Variants in ENOX1 observed in about 807,000 individuals in gnomAD.
ENOX1 encodes the protein ecto-NOX disulfide-thiol exchanger 1.
In ENOX1, 42 loss-of-function variants were observed where a neutral mutation model predicts 82.5. The ratio of observed to expected loss-of-function variants is 0.51; its 90% confidence interval spans 0.40 to 0.66. ENOX1 has a LOEUF of 0.66. Among genes scored for constraint, ENOX1 ranks in the 30% least tolerant of loss-of-function variants. ENOX1 has a pLI of 0.00. For synonymous variants in ENOX1, 271 were observed against 282.2 expected, an observed-to-expected ratio of 0.96 and a Z score of 0.40; for missense variants, 608 against 811.6, an observed-to-expected ratio of 0.75 and a Z score of 3.05.
intron 3 of ENOX1, among the ~76,000 whole-genome samples, chr13:43,436,517 T>A (rs1011395428): frequency 2.0e-5 from 3 of 152,172 alleles, no homozygotes; most frequent in Non-Finnish European, 2.9e-5. Context: ...GGAGAGCAGA[T>A]TTACAATGCT....
chr13:43,311,632 C>A (rs4335689), intron 11 of ENOX1, among the ~76,000 whole-genome samples: 145,154 of 152,248 alleles, frequency 0.95, 69,611 homozygotes, highest in East Asian at 1. Context: ...CAAGAAAAGC[C>A]GAACTGATGT....
intron 1 of ENOX1, among the ~76,000 whole-genome samples, chr13:43,751,097 C>T (rs139810167): frequency 6.6e-6 from 1 of 152,272 alleles, no homozygotes; most frequent in East Asian, 1.9e-4. Flanking sequence ...CCACATTCCT[C>T]GTAAGTCCCC....
intron 2 of ENOX1, among the ~76,000 whole-genome samples, chr13:43,597,507 C>G (rs540630042): frequency 6.6e-6 from 1 of 152,194 alleles, no homozygotes; most frequent in Non-Finnish European, 1.5e-5. Context: ...AGCTCTGGCA[C>G]AAAATCAATC....
At chr13:43,344,503 A>C (rs1490814813) in intron 9 of ENOX1, 35 bp downstream of exon 9, 12 of 1,540,692 alleles carry the variant, frequency 7.8e-6, no homozygotes, top group Non-Finnish European at 1.1e-5. Flanking sequence ...AGGCAAAATC[A>C]CAACAAAAGA....
At chr13:43,650,912 G>A (rs2084135557) in intron 2 of ENOX1, among the ~76,000 whole-genome samples, 1 of 152,158 alleles carries the variant, frequency 6.6e-6, no homozygotes, top group African/African-American at 2.4e-5. Flanking sequence ...CATGGCTTTT[G>A]TTCAGGAACC....
chr13:43,449,882 T>C (rs979836233), intron 3 of ENOX1, among the ~76,000 whole-genome samples: 2 of 152,158 alleles, frequency 1.3e-5, no homozygotes, highest in African/African-American at 4.8e-5. Flanking sequence ...TATTTCTATC[T>C]AAAGCATATA....
At chr13:43,307,372 G>A (rs558880326) in intron 11 of ENOX1, among the ~76,000 whole-genome samples, 2 of 152,298 alleles carry the variant, frequency 1.3e-5, no homozygotes, top group South Asian at 2.1e-4. Flanking sequence ...CAGATGTTAC[G>A]AATCTGAGAT....
intron 2 of ENOX1, among the ~76,000 whole-genome samples, chr13:43,638,529 C>A (rs1216717444): frequency 6.6e-6 from 1 of 152,100 alleles, no homozygotes; most frequent in Admixed American, 6.5e-5. Flanking sequence ...AACTTTCTTG[C>A]CAGCAAACCA....
At chr13:43,687,854 C>G (rs1269715280) in intron 1 of ENOX1, among the ~76,000 whole-genome samples, 1 of 152,110 alleles carries the variant, frequency 6.6e-6, no homozygotes. Context: ...CAAAGCCAAT[C>G]TGGAGATCAG....
chr13:43,489,979 C>T (rs961808355), intron 2 of ENOX1, among the ~76,000 whole-genome samples: 8 of 152,188 alleles, frequency 5.3e-5, no homozygotes, highest in South Asian at 2.1e-4. Context: ...CGCTCTGTCA[C>T]GCAGGCTGGA....
chr13:43,469,126 G>C (rs1414948995), intron 3 of ENOX1, among the ~76,000 whole-genome samples: 1 of 152,044 alleles, frequency 6.6e-6, no homozygotes. Flanking sequence ...ATGTTCTTTA[G>C]CTGGTTAAAA....
intron 3 of ENOX1, among the ~76,000 whole-genome samples, chr13:43,432,825 T>C (rs1004916059): frequency 1.3e-5 from 2 of 152,154 alleles, no homozygotes; most frequent in Non-Finnish European, 2.9e-5. Flanking sequence ...ATTTCTTTTT[T>C]TTAAGGGGGA....
At chr13:43,606,894 T>C (rs1219502891) in intron 2 of ENOX1, among the ~76,000 whole-genome samples, 2 of 152,074 alleles carry the variant, frequency 1.3e-5, no homozygotes, top group East Asian at 3.9e-4. Flanking sequence ...GGCATGTGCC[T>C]GTAGTCCCAG....
intron 1 of ENOX1, among the ~76,000 whole-genome samples, chr13:43,729,530 C>G (rs1235135656): frequency 6.6e-6 from 1 of 152,026 alleles, no homozygotes; most frequent in African/African-American, 2.4e-5. Flanking sequence ...TTTATTAAAA[C>G]ATTTTTGTAA....
intron 2 of ENOX1, among the ~76,000 whole-genome samples, chr13:43,662,926 T>A (rs1178962548): frequency 6.6e-6 from 1 of 152,174 alleles, no homozygotes; most frequent in Non-Finnish European, 1.5e-5. Flanking sequence ...AGGGATAAAA[T>A]CATTCATGAG....
At chr13:43,739,475 G>A (rs1380877757) in intron 1 of ENOX1, among the ~76,000 whole-genome samples, 2 of 152,042 alleles carry the variant, frequency 1.3e-5, no homozygotes, top group Non-Finnish European at 2.9e-5. Flanking sequence ...CCTGAGCTCA[G>A]GAGGTGGAGG....
intron 2 of ENOX1, among the ~76,000 whole-genome samples, chr13:43,522,322 TA>T (rs1463831968): frequency 1.3e-5 from 2 of 152,118 alleles, no homozygotes; most frequent in African/African-American, 4.8e-5. Flanking sequence ...CTGGGCTTAA[TA>T]AAAAATTGTA....
intron 11 of ENOX1, chr13:43,321,114 T>G (rs756106031): frequency 1.8e-5 from 8 of 456,152 alleles, no homozygotes; most frequent in Non-Finnish European, 3.5e-5. Flanking sequence ...AAGATTAAAA[T>G]GAATGAATTT....
intron 2 of ENOX1, among the ~76,000 whole-genome samples, chr13:43,644,745 C>T (rs1449221910): frequency 1.3e-5 from 2 of 152,154 alleles, no homozygotes; most frequent in Non-Finnish European, 2.9e-5. Context: ...AGTTAAATTG[C>T]AGAATTAGGA....
Sources: gnomAD v4.1 joint callset for allele counts (sites outside exome capture counted in the v4.1 genomes callset) on GRCh38, gnomAD v4.1.1 for gene constraint, MANE v1.5 for transcripts, NCBI Gene and HGNC (gene_info 2026-07-23, HGNC 2026-07-21) for gene names.